Variants in C1orf141 observed in about 807,000 individuals in gnomAD.
C1orf141 encodes the protein chromosome 1 open reading frame 141.
A neutral mutation model predicts 23.2 loss-of-function variants in C1orf141; 19 were observed. The observed-to-expected ratio is 0.82, with a 90% CI of 0.57 to 1.20. The LOEUF (loss-of-function observed/expected upper bound fraction) is 1.20, where lower values mean the gene tolerates loss of function less well. C1orf141 is among the 50% of genes most tolerant of loss of function. The pLI is 0.00. For synonymous variants in C1orf141, 153 were observed against 154.6 expected, an observed-to-expected ratio of 0.99 and a Z score of 0.08; for missense variants, 469 against 455.1, an observed-to-expected ratio of 1.03 and a Z score of -0.28.
At chr1:67,125,094 C>A (rs1456166209) in intron 4 of C1orf141, among the ~76,000 whole-genome samples, 2 of 152,168 alleles carry the variant, frequency 1.3e-5, no homozygotes, top group African/African-American at 4.8e-5. Context: ...TTTAAGTGCA[C>A]AGAGAAATTG....
chr1:67,101,521 T>C (rs910591223), intron 5 of C1orf141, among the ~76,000 whole-genome samples: 1 of 150,548 alleles, frequency 6.6e-6, no homozygotes, highest in African/African-American at 2.4e-5. Context: ...GGGATTTTTT[T>C]CAGAATATTC....
In C1orf141 at chr1:67,095,308, AAG is replaced by A. The variant is rs1317250519; in HGVS notation, c.528_529del (p.Phe177Ter). The stretch of plus-strand genomic sequence containing the variant: ...ATGTGGATTTTTCAATTCATCCTCA[AAG>A]CACAACGGGAGCAAGCTTTTCTTTC... On this transcript the variant is annotated frameshift_variant, in exon 7 of 8. Transcript: ENST00000684719. LOFTEE classifies it high-confidence loss of function. 1.2e-6 allele frequency: 2 copies of A among 1,608,392 alleles called. No individual in the cohort carries two copies. Among genetic ancestry groups the A allele is most frequent in the Admixed American group, 3.4e-5 (2 of 59,558 alleles).
chr1:67,106,881 T>C (rs1645939691), intron 5 of C1orf141, among the ~76,000 whole-genome samples: 1 of 152,156 alleles, frequency 6.6e-6, no homozygotes, highest in African/African-American at 2.4e-5. Context: ...AACTTAAAGA[T>C]AGATCAATAG....
rs1645580403 is a variant in C1orf141, at chr1:67,092,728, T to C, written c.*277A>G. ...TTCTTGGTCCTGAATCAGAGTTTAG[T>C]ATAGGAAGGCTGATGATTGAGCAAT... On this transcript the variant is annotated 3_prime_UTR_variant, in exon 8 of 8. Transcript: ENST00000684719. 1.3e-5 allele frequency: 3 copies of C among 229,256 alleles called. No homozygotes were observed. In the Admixed American group the frequency reaches 1.6e-4, roughly 12 times the overall value. The allele number at this position is 229,256 out of a possible 1,614,324, so 14.2% of individuals were successfully genotyped here. A position where few individuals can be genotyped will look rare whatever the true frequency, so the allele number is the denominator to read the frequency against.
chr1:67,125,826 A>G lies in C1orf141; in HGVS notation c.159T>C (p.Ala53=). Residue 53 remains alanine (A), a synonymous_variant, in exon 4 of 8, where the codon GCT becomes GCC. Coordinates refer to ENST00000684719, the MANE Select transcript of C1orf141 (RefSeq NM_001276351.2). ...TFDFQLEFEE[A]LATSASKAIS... is the part of the protein sequence containing the mutation. ...TTGCCTTAGACGCGGATGTAGCAAG[A>G]GCTTCTTCAAATTCCAACTGAAAAT... 1 of 1,613,786 alleles carries G rather than the reference A, an allele frequency of 6.2e-7. No homozygotes were observed. Among genetic ancestry groups the G allele is most frequent in the Non-Finnish European group, 8.5e-7 (1 of 1,179,868 alleles).
intron 1 of C1orf141, among the ~76,000 whole-genome samples, chr1:67,133,773 C>T (rs1227335815): frequency 6.6e-6 from 1 of 152,082 alleles, no homozygotes; most frequent in Non-Finnish European, 1.5e-5. Flanking sequence ...AGCCACCACC[C>T]CAAGCCAAGG....
intron 4 of C1orf141, among the ~76,000 whole-genome samples, chr1:67,119,395 G>A (rs751522792): frequency 1.6e-4 from 25 of 152,214 alleles, no homozygotes; most frequent in Non-Finnish European, 2.6e-4. Flanking sequence ...GTTAGCTGAC[G>A]TTAGTTCTAA....
At chr1:67,102,485 G>A (rs1054088130) in intron 5 of C1orf141, among the ~76,000 whole-genome samples, 11 of 152,106 alleles carry the variant, frequency 7.2e-5, no homozygotes, top group Non-Finnish European at 1.6e-4. Flanking sequence ...GTTGGCGTTG[G>A]GAAAACATTT....
chr1:67,104,054 G>A (rs1437726056), intron 5 of C1orf141, among the ~76,000 whole-genome samples: 4 of 152,000 alleles, frequency 2.6e-5, no homozygotes, highest in Admixed American at 2.6e-4. Context: ...ATAAAAATAA[G>A]GTATATGACA....
At chr1:67,141,480 C>T (rs918743418) in intron 1 of C1orf141, among the ~76,000 whole-genome samples, 15 of 152,130 alleles carry the variant, frequency 9.9e-5, no homozygotes, top group East Asian at 3.9e-4. Context: ...TTTACAAGTC[C>T]GGTCCAGGGA....
intron 7 of C1orf141, 65 bp from the exon 8 acceptor site, chr1:67,093,669 T>C: frequency 8.1e-7 from 1 of 1,241,124 alleles, no homozygotes; most frequent in Non-Finnish European, 1.1e-6. Flanking sequence ...CCATATATTT[T>C]AAAACATGTA....
At chr1:67,108,259 T>C (rs59927172) in intron 5 of C1orf141, among the ~76,000 whole-genome samples, 21,580 of 152,192 alleles carry the variant, frequency 0.14, 1,632 homozygotes, top group African/African-American at 0.17. Context: ...TAGTGTTTAG[T>C]AAGGGCTCGC....
At chr1:67,131,663 C>T (rs748778377) in intron 1 of C1orf141, among the ~76,000 whole-genome samples, 34 of 152,060 alleles carry the variant, frequency 2.2e-4, no homozygotes, top group Non-Finnish European at 4.3e-4. Flanking sequence ...TTCCTGGACA[C>T]GTCCTGCCCT....
intron 5 of C1orf141, among the ~76,000 whole-genome samples, 185 bp downstream of exon 5, chr1:67,115,167 A>G (rs1413351801): frequency 1.3e-5 from 2 of 152,256 alleles, no homozygotes. Context: ...TGTGAATTGT[A>G]TAAATTGTCC....
At chr1:67,094,124 CT>C (rs1645616847) in intron 7 of C1orf141, 1 of 152,134 alleles carries the variant, frequency 6.6e-6, no homozygotes, top group African/African-American at 2.4e-5. Context: ...AGCACAATAC[CT>C]GACACCTAAA....
chr1:67,136,244 T>A (rs1646584474), upstream of C1orf141, among the ~76,000 whole-genome samples: 2 of 152,194 alleles, frequency 1.3e-5, no homozygotes, highest in African/African-American at 4.8e-5. Flanking sequence ...TCTCACTATG[T>A]TGCCCAGGCT....
chr1:67,132,744 A>G (rs1170517873), intron 1 of C1orf141, among the ~76,000 whole-genome samples: 1 of 152,254 alleles, frequency 6.6e-6, no homozygotes, highest in African/African-American at 2.4e-5. Context: ...ATGTTACTTC[A>G]TAATGATTTA....
At chr1:67,097,231 C>T (rs565786235) in intron 5 of C1orf141, among the ~76,000 whole-genome samples, 2 of 152,138 alleles carry the variant, frequency 1.3e-5, no homozygotes, top group African/African-American at 4.8e-5. Flanking sequence ...AAAAACCCGA[C>T]AACAACAAAA....
At position 67,115,361 on chromosome 1, in the gene C1orf141, CACTT is replaced by C; in HGVS notation, c.333_336del (p.Glu113GlnfsTer19). ...TTACACAAAGCATTACCTGTTGACT[CACTT>C]TCTTTATTTTTTACATTTGTTTGAA... On this transcript the variant is annotated frameshift_variant, in exon 5 of 8. Transcript: ENST00000684719. LOFTEE classifies it high-confidence loss of function. The C allele has an allele frequency of 8.6e-7, 1 of 1,156,624 alleles. No individual in the cohort carries two copies. Among genetic ancestry groups the C allele is most frequent in the South Asian group, 1.3e-5 (1 of 74,336 alleles). The allele number at this position is 1,156,624 out of a possible 1,614,324, so 71.6% of individuals were successfully genotyped here.
Sources: allele counts gnomAD v4.1 joint callset (sites outside exome capture counted in the v4.1 genomes callset), GRCh38; gene constraint gnomAD v4.1.1; transcripts MANE v1.5; gene names NCBI Gene and HGNC (gene_info 2026-07-23, HGNC 2026-07-21).